The following MVP variants were observed in gnomAD, a reference collection of about 807,000 sequenced individuals.
MVP encodes major vault protein, also known as lung resistance-related protein.
Under a neutral mutation model 83.5 loss-of-function variants are expected in MVP, and 62 were observed. The observed-to-expected ratio is 0.74, with a 90% CI of 0.61 to 0.92. MVP has a LOEUF of 0.92. Ranked by LOEUF, MVP falls within the 40% of genes least tolerant of loss-of-function variation. The pLI is 0.00. For synonymous variants in MVP, 505 were observed against 504.1 expected (o/e 1.00, Z -0.02); for missense variants, 1,000 against 1,203.4 (o/e 0.83, Z 2.50).
chr16:29,846,083 G>A (rs922361315), intron 12 of MVP, 75 bp from the exon 13 acceptor site: 21 of 1,604,506 alleles, frequency 1.3e-5, no homozygotes, highest in Admixed American at 1.0e-4. Flanking sequence ...GACAGTGCAC[G>A]GCTACAGCAT....
chr16:29,831,521 C>A (rs141125371), intron 3 of MVP: 5 of 443,088 alleles, frequency 1.1e-5, no homozygotes, highest in Non-Finnish European at 2.3e-5. Context: ...CTTGCTGGCT[C>A]TCACCAAGGG....
intron 1 of MVP, among the ~76,000 whole-genome samples, chr16:29,822,295 G>A (rs1440965088): frequency 2.0e-5 from 3 of 149,808 alleles, no homozygotes; most frequent in South Asian, 2.1e-4. Context: ...GTTCTGTCTC[G>A]AAAAGTTCCT....
Position 29,841,721 on chromosome 16 carries a change from G to GA in MVP, c.1319dup (p.Asp441GlyfsTer4), listed in dbSNP as rs767208205. ...AGGACCCTCTGGCAGACAGGGGTGA[G>GA]AAGGACACAGCTAAGAGCCTCCAGC... On this transcript the variant is annotated frameshift_variant, in exon 9 of 15. Coordinates refer to ENST00000357402, the MANE Select transcript of MVP (RefSeq NM_005115.5). LOFTEE classifies it high-confidence loss of function. The surrounding 1 kb of genome is among the most constrained non-coding windows in gnomAD (Gnocchi z 4.7). 2.5e-6 allele frequency: 4 copies of GA among 1,612,962 alleles called. No homozygotes were observed. In the South Asian group the frequency reaches 4.4e-5, roughly 18 times the overall value.
At chr16:29,839,655 G>A (rs940175677) in intron 7 of MVP, among the ~76,000 whole-genome samples, 4 of 151,332 alleles carry the variant, frequency 2.6e-5, no homozygotes, top group African/African-American at 4.9e-5. Context: ...GTGGTGATGC[G>A]CATCTGTAGT....
rs1353948104 is a variant in MVP, at chr16:29,841,749, T to C, written c.1345T>C (p.Leu449=). 1 of 1,613,490 alleles carries C rather than the reference T, an allele frequency of 6.2e-7. No homozygotes were observed. Among genetic ancestry groups the C allele is most frequent in the Non-Finnish European group, 8.5e-7 (1 of 1,179,862 alleles). Residue 449 remains leucine (L), a synonymous_variant, in exon 9 of 15, where the codon TTG becomes CTG. Coordinates refer to ENST00000357402, the MANE Select transcript of MVP (RefSeq NM_005115.5). The surrounding 1 kb of genome is among the most constrained non-coding windows in gnomAD (Gnocchi z 4.7). ...GGACACAGCTAAGAGCCTCCAGCCC[T>C]TGGCGCCCCGGAACAAGACCCGTGT... ...EKDTAKSLQP[L]APRNKTRVVS... is the part of the protein sequence containing the mutation.
intron 6 of MVP, among the ~76,000 whole-genome samples, 156 bp downstream of exon 6, chr16:29,835,954 A>G (rs2067483443): frequency 2.0e-5 from 3 of 152,088 alleles, no homozygotes; most frequent in African/African-American, 7.2e-5. Context: ...AGTATTCTGG[A>G]TCATCTGAAG....
At chr16:29,830,695 G>A (rs1483280325) in intron 2 of MVP, 21 bp downstream of exon 2, 6 of 1,612,382 alleles carry the variant, frequency 3.7e-6, no homozygotes, top group East Asian at 2.2e-5. Context: ...GGGCTGGGCT[G>A]TGGGGGATCC....
chr16:29,827,511 G>A (rs1238096635), intron 1 of MVP, among the ~76,000 whole-genome samples: 2 of 152,182 alleles, frequency 1.3e-5, no homozygotes, highest in Admixed American at 6.6e-5. Flanking sequence ...AGTCCCAACA[G>A]CACCACTAAC....
At chr16:29,840,827 A>T (rs899979876) in intron 8 of MVP, among the ~76,000 whole-genome samples, 1 of 151,946 alleles carries the variant, frequency 6.6e-6, no homozygotes, top group Non-Finnish European at 1.5e-5. Flanking sequence ...GTAGTCCCAG[A>T]TACTTGGGAG....
chr16:29,826,756 A>G (rs1388949512), intron 1 of MVP, among the ~76,000 whole-genome samples: 3 of 151,594 alleles, frequency 2.0e-5, no homozygotes, highest in African/African-American at 4.8e-5. Context: ...CCCCGTCTCT[A>G]CTAAAAAAAA....
At chr16:29,847,168 TAAAG>T (rs767153006) in intron 13 of MVP, 25 bp from the exon 14 acceptor site, 42 of 1,607,464 alleles carry the variant, frequency 2.6e-5, no homozygotes, top group African/African-American at 1.9e-4. Flanking sequence ...GGTCAAAAAA[TAAAG>T]AATGATTGAT....
chr16:29,848,015 C>T lies in MVP; in HGVS notation c.*26C>T. ...CTCCTGATTAATACAATGGAAGTTT[C>T]TGGGCATTTACAATTTCAACACTTT... On this transcript the variant is annotated 3_prime_UTR_variant, in exon 15 of 15. Coordinates refer to ENST00000357402, the MANE Select transcript of MVP (RefSeq NM_005115.5). 1 of 1,598,362 alleles carries T rather than the reference C, an allele frequency of 6.3e-7. No homozygotes were observed.
intron 1 of MVP, among the ~76,000 whole-genome samples, chr16:29,825,777 A>G (rs2067400854): frequency 6.6e-6 from 1 of 152,074 alleles, no homozygotes; most frequent in Non-Finnish European, 1.5e-5. Context: ...GGTGTTGGGG[A>G]GATTATCCAC....
At chr16:29,836,593 C>T in intron 6 of MVP, 129 bp from the exon 7 acceptor site, 1 of 587,202 alleles carries the variant, frequency 1.7e-6, no homozygotes, top group South Asian at 2.8e-5. Context: ...AAAAAAAAAA[C>T]AATCCCTGGA....
Position 29,846,208 on chromosome 16 carries a change from C to T in MVP, c.2189C>T (p.Ala730Val), listed in dbSNP as rs754695233. 47 of 1,599,978 alleles carry T rather than the reference C, an allele frequency of 2.9e-5. No homozygotes were observed. Among genetic ancestry groups the T allele is most frequent in the Non-Finnish European group, 3.9e-5 (46 of 1,173,078 alleles). Reference protein sequence around the residue: ...GTAKAEAESRAEAARIEGEGS... With the variant: ...GTAKAEAESRVEAARIEGEGS... ...GCCAAGGCGGAGGCCGAGTCCCGTG[C>T]GGAGGCAGCCCGGATTGAGGGAGAA... The change falls in exon 13 of 15, where the codon GCG becomes GTG. Residue 730 changes from alanine to valine, a missense_variant. By Grantham distance (64) the Ala-to-Val change is moderately conservative. Coordinates refer to ENST00000357402, the MANE Select transcript of MVP (RefSeq NM_005115.5).
At chr16:29,844,989 AAGATCTATTCCCTACCCAACAGATC>A in intron 11 of MVP, 110 bp downstream of exon 11, 1 of 1,397,314 alleles carries the variant, frequency 7.2e-7, no homozygotes, top group Non-Finnish European at 9.6e-7. Flanking sequence ...CCTACCCTCA[AAGATCTATTCCCTACCCAACAGATC>A]AGGTGACCCA....
chr16:29,823,809 T>G (rs1026412707), intron 1 of MVP, among the ~76,000 whole-genome samples: 8 of 145,680 alleles, frequency 5.5e-5, no homozygotes, highest in Non-Finnish European at 6.0e-5. Flanking sequence ...GCCACTGCAC[T>G]CCAGCCTGGG....
intron 1 of MVP, chr16:29,829,756 G>C (rs2067428036): frequency 6.6e-6 from 1 of 152,284 alleles, no homozygotes; most frequent in Non-Finnish European, 1.5e-5. Flanking sequence ...GGATGGGAGA[G>C]AACTGGGGAC....
At chr16:29,844,007 T>C (rs1194213874) in intron 10 of MVP, among the ~76,000 whole-genome samples, 1 of 152,190 alleles carries the variant, frequency 6.6e-6, no homozygotes, top group African/African-American at 2.4e-5. Flanking sequence ...GCTGCCGACA[T>C]ATTCCCAGGC....
Sources: gnomAD v4.1 joint callset for allele counts (sites outside exome capture counted in the v4.1 genomes callset) on GRCh38, gnomAD v4.1.1 for gene constraint, Gnocchi (gnomAD v3.1) non-coding constraint, MANE v1.5 for transcripts, NCBI Gene and HGNC (gene_info 2026-07-23, HGNC 2026-07-21) for gene names.